The following SBF2 variants were observed in gnomAD, a reference collection of about 807,000 sequenced individuals.
The protein encoded by SBF2 is myotubularin-related protein 13.
SBF2 carries 112 observed loss-of-function variants against 225.2 expected under a neutral mutation model. That is an observed-to-expected ratio of 0.50 (90% CI 0.43 to 0.58). The LOEUF (loss-of-function observed/expected upper bound fraction) is 0.58. SBF2 is among the 20% of genes least tolerant of loss of function. The probability of loss-of-function intolerance (pLI) is 0.00; values close to 1 mark genes in which losing one functional copy is unlikely to be tolerated. For missense variants in SBF2, 1,996 were observed against 2,206.2 expected, an observed-to-expected ratio of 0.90 and a Z score of 1.91; for synonymous variants, 763 against 773.3, an observed-to-expected ratio of 0.99 and a Z score of 0.22.
At chr11:9,872,734 G>A (rs377274659) in intron 17 of SBF2, among the ~76,000 whole-genome samples, 2 of 152,032 alleles carry the variant, frequency 1.3e-5, no homozygotes, top group African/African-American at 4.8e-5. Context: ...ATGTATTTTT[G>A]GCTGGGTGCA....
intron 13 of SBF2, among the ~76,000 whole-genome samples, chr11:9,980,650 G>A (rs1946913485): frequency 6.6e-6 from 1 of 151,404 alleles, no homozygotes. Flanking sequence ...GCAGTGGCGA[G>A]ATCTCGGCTT....
intron 6 of SBF2, among the ~76,000 whole-genome samples, chr11:10,005,212 G>A (rs538178044): frequency 7.9e-5 from 12 of 152,250 alleles, no homozygotes; most frequent in African/African-American, 2.9e-4. Flanking sequence ...TAGTTAAGAG[G>A]CAAAATGGCA....
At chr11:10,233,791 T>G (rs1958953490) in intron 1 of SBF2, among the ~76,000 whole-genome samples, 1 of 152,138 alleles carries the variant, frequency 6.6e-6, no homozygotes, top group African/African-American at 2.4e-5. Flanking sequence ...TCCCAACCAA[T>G]GACTAAGCAC....
intron 2 of SBF2, among the ~76,000 whole-genome samples, chr11:10,141,217 G>A (rs1014699169): frequency 4.6e-5 from 7 of 152,008 alleles, no homozygotes; most frequent in Admixed American, 1.3e-4. Flanking sequence ...AGTGTTTCTC[G>A]GGACCCAGGA....
At chr11:9,853,744 G>T in intron 19 of SBF2, 32 bp from the exon 20 acceptor site, 1 of 1,597,402 alleles carries the variant, frequency 6.3e-7, no homozygotes, top group Non-Finnish European at 8.6e-7. Flanking sequence ...ATCATGGTCA[G>T]TACTTAAATG....
chr11:9,896,289 T>C (rs540138796), intron 16 of SBF2, among the ~76,000 whole-genome samples: 1 of 152,284 alleles, frequency 6.6e-6, no homozygotes, highest in South Asian at 2.1e-4. Flanking sequence ...TATTGCTGAG[T>C]AGCCACCTTT....
intron 16 of SBF2, among the ~76,000 whole-genome samples, chr11:9,930,747 T>C (rs553744993): frequency 1.1e-4 from 17 of 152,234 alleles, no homozygotes; most frequent in African/African-American, 3.9e-4. Flanking sequence ...TTGGGACTGG[T>C]TGGACAGTGG....
chr11:10,173,569 C>T (rs1956314295), intron 2 of SBF2, among the ~76,000 whole-genome samples: 1 of 152,198 alleles, frequency 6.6e-6, no homozygotes, highest in Non-Finnish European at 1.5e-5. Flanking sequence ...TGCAAGGCGG[C>T]AGCGAGGCTG....
intron 16 of SBF2, among the ~76,000 whole-genome samples, chr11:9,933,606 A>C (rs1470056546): frequency 6.6e-6 from 1 of 152,206 alleles, no homozygotes; most frequent in Non-Finnish European, 1.5e-5. Context: ...GTTTTTTGAA[A>C]CTAATGAGAC....
chr11:9,909,525 C>T (rs1016909872), intron 16 of SBF2, among the ~76,000 whole-genome samples: 1 of 151,978 alleles, frequency 6.6e-6, no homozygotes, highest in Admixed American at 6.6e-5. Flanking sequence ...CAAAAATTAG[C>T]CGGGCGTGGT....
At chr11:10,161,793 T>C (rs12421666) in intron 2 of SBF2, among the ~76,000 whole-genome samples, 24,600 of 142,602 alleles carry the variant, frequency 0.17, 2,296 homozygotes, top group East Asian at 0.31. Flanking sequence ...TAGCAAGACC[T>C]CCTTCTCTAC....
chr11:9,795,862 G>C lies in SBF2; in HGVS notation c.4539C>G (p.Leu1513=). Residue 1513 remains leucine, a synonymous_variant, in exon 33 of 40, where the codon CTC becomes CTG. Coordinates refer to ENST00000256190, the MANE Select transcript of SBF2 (RefSeq NM_030962.4). ...HYVSNRFKTF[L]LDSDYERLEH... Reference sequence around the variant, plus strand: ...CTAATCTTTCATAGTCTGAATCCAGGAGAAATGTTTTAAAGCGATTAGACA... The same window carrying C: ...CTAATCTTTCATAGTCTGAATCCAGCAGAAATGTTTTAAAGCGATTAGACA... 1.2e-6 allele frequency: 2 copies of C among 1,613,850 alleles called. No individual in the cohort carries two copies. Among genetic ancestry groups the C allele is most frequent in the Non-Finnish European group, 1.7e-6 (2 of 1,179,918 alleles).
At chr11:9,822,785 G>A (rs757009715) in intron 28 of SBF2, among the ~76,000 whole-genome samples, 2 of 152,094 alleles carry the variant, frequency 1.3e-5, no homozygotes, top group Non-Finnish European at 2.9e-5. Flanking sequence ...TCACATGTGG[G>A]GCCTTATTGA....
chr11:10,041,413 G>A (rs1949653231), intron 3 of SBF2, among the ~76,000 whole-genome samples: 1 of 152,132 alleles, frequency 6.6e-6, no homozygotes, highest in African/African-American at 2.4e-5. Flanking sequence ...AACAGGCTAT[G>A]TTAGTCTGAT....
chr11:10,209,907 G>C (rs1488711259), intron 1 of SBF2, among the ~76,000 whole-genome samples: 1 of 152,082 alleles, frequency 6.6e-6, no homozygotes, highest in Admixed American at 6.5e-5. Flanking sequence ...AGCTTCTTCA[G>C]GTTCATCACT....
At chr11:9,900,049 A>AAAAAAC (rs1399517192) in intron 16 of SBF2, among the ~76,000 whole-genome samples, 2 of 151,438 alleles carry the variant, frequency 1.3e-5, no homozygotes, top group East Asian at 3.9e-4. Context: ...TTTTTTAAAA[A>AAAAAAC]AAAAAAACAG....
At chr11:9,814,116 T>C (rs1421560540) in intron 29 of SBF2, among the ~76,000 whole-genome samples, 7 of 152,206 alleles carry the variant, frequency 4.6e-5, no homozygotes, top group Admixed American at 6.5e-5. Context: ...GCATTTGCAA[T>C]TAAAGAATGC....
In SBF2 at chr11:9,992,364, ACTAGT is replaced by A. The variant is rs1565103840; in HGVS notation, c.1296+46_1296+50del. On this transcript the variant is annotated intron_variant, in intron 12 of 39. Transcript: ENST00000256190. ...AAAATGTTACTTTTTACTTTTAACT[ACTAGT>A]CTAATTATGTCTATAAATAATGCCT... 8.1e-6 allele frequency: 12 copies of A among 1,480,714 alleles called. No individual in the cohort carries two copies. The Admixed American group carries it at 1.3e-4, about 16-fold the overall frequency. The allele number at this position is 1,480,714 out of a possible 1,614,324, so 91.7% of individuals were successfully genotyped here. A position where few individuals can be genotyped will look rare whatever the true frequency, so the allele number is the denominator to read the frequency against.
At chr11:10,089,090 T>G (rs1004276349) in intron 2 of SBF2, among the ~76,000 whole-genome samples, 1 of 152,174 alleles carries the variant, frequency 6.6e-6, no homozygotes, top group African/African-American at 2.4e-5. Context: ...ACAAGTGCAG[T>G]TTTGATACAT....
Sources: gnomAD v4.1 joint callset for allele counts (sites outside exome capture counted in the v4.1 genomes callset) on GRCh38, gnomAD v4.1.1 for gene constraint, MANE v1.5 for transcripts, NCBI Gene and HGNC (gene_info 2026-07-23, HGNC 2026-07-21) for gene names.